The following SCHIP1 variants were observed in gnomAD, a reference collection of about 807,000 sequenced individuals.
The protein encoded by SCHIP1 is schwannomin-interacting protein 1.
SCHIP1 carries 8 observed loss-of-function variants against 29.7 expected under a neutral mutation model. The ratio of observed to expected loss-of-function variants is 0.27; its 90% CI spans 0.16 to 0.49. SCHIP1 has a LOEUF of 0.49. Among genes scored for constraint, SCHIP1 ranks in the 20% least tolerant of loss-of-function variants. SCHIP1 has a pLI of 0.99. For synonymous variants in SCHIP1, 76 were observed against 94.9 expected (o/e 0.80, Z 1.16); for missense variants, 193 against 294.6 (o/e 0.66, Z 2.52).
chr3:159,740,215 G>A, the SCHIP1 span, among the ~76,000 whole-genome samples: 1 of 152,226 alleles, frequency 6.6e-6, no homozygotes, highest in African/African-American at 2.4e-5. Context: ...TTGAGGGGAG[G>A]AGCATCCTGT....
the SCHIP1 span, among the ~76,000 whole-genome samples, chr3:159,546,821 T>C: frequency 1.3e-5 from 2 of 152,238 alleles, no homozygotes; most frequent in Non-Finnish European, 2.9e-5. Context: ...CAGTCTATCA[T>C]TGATGGATAT....
intron 1 of SCHIP1, among the ~76,000 whole-genome samples, chr3:159,849,384 C>T (rs374496713): frequency 1.8e-4 from 27 of 152,202 alleles, no homozygotes; most frequent in East Asian, 1.5e-3. Context: ...ATGTATCTTA[C>T]GGAGTCTTGC....
At chr3:159,715,926 A>G in the SCHIP1 span, among the ~76,000 whole-genome samples, 21 of 152,272 alleles carry the variant, frequency 1.4e-4, no homozygotes, top group African/African-American at 4.8e-4. Context: ...CTCAAGAAGA[A>G]CAACTCCAAG....
At chr3:159,760,809 T>A in the SCHIP1 span, among the ~76,000 whole-genome samples, 5 of 152,260 alleles carry the variant, frequency 3.3e-5, no homozygotes, top group South Asian at 1.0e-3. Context: ...AAGAGTTTTA[T>A]GAAACTTTCT....
the SCHIP1 span, among the ~76,000 whole-genome samples, chr3:159,418,821 C>T: frequency 6.6e-6 from 1 of 151,980 alleles, no homozygotes; most frequent in African/African-American, 2.4e-5. Context: ...GAATCAGTAA[C>T]CACCAAACTA....
chr3:159,794,011 G>A, the SCHIP1 span, among the ~76,000 whole-genome samples: 12 of 152,114 alleles, frequency 7.9e-5, no homozygotes, highest in African/African-American at 2.4e-4. Flanking sequence ...CGGCCCACCC[G>A]GGTAATTCAG....
chr3:159,502,645 C>G, the SCHIP1 span, among the ~76,000 whole-genome samples: 2 of 151,196 alleles, frequency 1.3e-5, no homozygotes, highest in Non-Finnish European at 2.9e-5. Flanking sequence ...CCTCCCCACT[C>G]CCCCCACCCC....
chr3:159,275,508 T>G, the SCHIP1 span, among the ~76,000 whole-genome samples: 1 of 152,142 alleles, frequency 6.6e-6, no homozygotes, highest in Non-Finnish European at 1.5e-5. Flanking sequence ...ATTCAGAAAT[T>G]TATTTGATCT....
the SCHIP1 span, among the ~76,000 whole-genome samples, chr3:159,661,662 G>A: frequency 3.3e-5 from 5 of 152,142 alleles, no homozygotes; most frequent in Admixed American, 2.6e-4. Context: ...TGGGGAGAGT[G>A]GGGTTAAGGT....
chr3:159,385,312 C>G, the SCHIP1 span, among the ~76,000 whole-genome samples: 156 of 152,252 alleles, frequency 1.0e-3, 2 homozygotes, highest in South Asian at 0.024. Context: ...AATCCCAGCA[C>G]TTTGGGAGGC....
the SCHIP1 span, among the ~76,000 whole-genome samples, chr3:159,543,090 TATAA>T: frequency 2.6e-4 from 37 of 140,200 alleles, no homozygotes; most frequent in Middle Eastern, 3.6e-3. Context: ...CATGTTTGTG[TATAA>T]ATACAGACAT....
chr3:159,492,531 C>A, the SCHIP1 span, among the ~76,000 whole-genome samples: 22 of 151,858 alleles, frequency 1.4e-4, no homozygotes, highest in South Asian at 2.1e-3. Flanking sequence ...TGAAATGAAG[C>A]GAGAAGGGAA....
chr3:159,679,732 G>A, the SCHIP1 span, among the ~76,000 whole-genome samples: 3 of 152,044 alleles, frequency 2.0e-5, no homozygotes, highest in African/African-American at 7.2e-5. Context: ...GAGGAAGAAA[G>A]TGTGCCCCGC....
At chr3:159,449,050 T>C in the SCHIP1 span, among the ~76,000 whole-genome samples, 95 of 152,344 alleles carry the variant, frequency 6.2e-4, no homozygotes, top group African/African-American at 2.2e-3. Flanking sequence ...TTTAGCTGGA[T>C]ACCAGAGATG....
the SCHIP1 span, among the ~76,000 whole-genome samples, chr3:159,758,536 A>G: frequency 6.6e-6 from 1 of 152,154 alleles, no homozygotes; most frequent in African/African-American, 2.4e-5. Flanking sequence ...AAAAAACAAG[A>G]TTTTGGTTGA....
chr3:159,689,471 T>G, the SCHIP1 span, among the ~76,000 whole-genome samples: 4 of 152,366 alleles, frequency 2.6e-5, no homozygotes, highest in African/African-American at 9.6e-5. Context: ...TTTGCTGAAG[T>G]TGCTTATCGG....
the SCHIP1 span, among the ~76,000 whole-genome samples, chr3:159,339,940 T>G: frequency 6.6e-6 from 1 of 152,154 alleles, no homozygotes; most frequent in Non-Finnish European, 1.5e-5. Flanking sequence ...AATGATGATT[T>G]TGAGAAAGGT....
At chr3:159,481,126 G>C in the SCHIP1 span, among the ~76,000 whole-genome samples, 1 of 152,098 alleles carries the variant, frequency 6.6e-6, no homozygotes, top group Non-Finnish European at 1.5e-5. Flanking sequence ...AGGCCATCTG[G>C]ATGTACACAT....
chr3:159,608,477 T>C, the SCHIP1 span, among the ~76,000 whole-genome samples: 129 of 152,312 alleles, frequency 8.5e-4, no homozygotes, highest in African/African-American at 3.0e-3. Context: ...GTCCGTCTGT[T>C]CCCTTTTACT....
Sources: allele counts gnomAD v4.1 joint callset (sites outside exome capture counted in the v4.1 genomes callset), GRCh38; gene constraint gnomAD v4.1.1; transcripts MANE v1.5; gene names NCBI Gene and HGNC (gene_info 2026-07-23, HGNC 2026-07-21).